The following CREB5 variants were observed in gnomAD, a reference collection of about 807,000 sequenced individuals.
The protein encoded by CREB5 is cyclic AMP-responsive element-binding protein 5.
Under a neutral mutation model 57.1 loss-of-function variants are expected in CREB5, and 19 were observed. The observed-to-expected ratio is 0.33, with a 90% CI of 0.23 to 0.49. The LOEUF is 0.49. Among genes scored for constraint, CREB5 ranks in the 20% least tolerant of loss-of-function variants. The pLI, the probability that CREB5 is intolerant of heterozygous loss-of-function variation, is 0.99. For missense variants in CREB5, 579 were observed against 671.6 expected, an observed-to-expected ratio of 0.86 and a Z score of 1.52; for synonymous variants, 238 against 238.3, an observed-to-expected ratio of 1.00 and a Z score of 0.01.
chr7:28,406,634 G>A (rs1354512440), intron 1 of CREB5, among the ~76,000 whole-genome samples: 2 of 152,210 alleles, frequency 1.3e-5, no homozygotes, highest in Non-Finnish European at 2.9e-5. Context: ...TGGCACCCCA[G>A]GGGGCAAATG....
At chr7:28,421,609 A>C (rs1788248114) in intron 1 of CREB5, among the ~76,000 whole-genome samples, 1 of 152,052 alleles carries the variant, frequency 6.6e-6, no homozygotes, top group Non-Finnish European at 1.5e-5. Flanking sequence ...AAAGCTAGGC[A>C]CGTAACACTG....
chr7:28,505,944 C>A (rs1792462647), intron 3 of CREB5, among the ~76,000 whole-genome samples: 1 of 152,124 alleles, frequency 6.6e-6, no homozygotes, highest in Non-Finnish European at 1.5e-5. Flanking sequence ...AAACAATATT[C>A]AACAAAACCC....
chr7:28,304,925 C>A (rs963774632), intron 1 of CREB5, among the ~76,000 whole-genome samples: 1 of 152,092 alleles, frequency 6.6e-6, no homozygotes, highest in African/African-American at 2.4e-5. Context: ...TAATTATCTC[C>A]GGGCAGGATA....
rs940669358 is a variant in CREB5 at position 28,468,676 on chromosome 7, C to T, written c.4-19499C>T. ...CCCTTGAGACTGGATCTCACTTTCA[C>T]GGAGATGTGTAGTTATCAGCTTGTG... On this transcript the variant is annotated intron_variant, in intron 1 of 10. Transcript: ENST00000357727. 6.6e-5 allele frequency among the ~76,000 whole-genome samples: 10 copies of T among 152,216 alleles called. No individual in the cohort carries two copies. In the South Asian group the frequency reaches 1.4e-3, roughly 22 times the overall value.
In CREB5 at chr7:28,646,035, G is replaced by C. The variant is rs75414962; in HGVS notation, c.465-72718G>C. On this transcript the variant is annotated intron_variant, in intron 5 of 10. Transcript: ENST00000357727. Reference sequence around the variant, plus strand: ...ACTTGGGCTGGAACTTACACCACTGGCTCTGCTTCAGGGTTGAACTAGAAC... The same window carrying C: ...ACTTGGGCTGGAACTTACACCACTGCCTCTGCTTCAGGGTTGAACTAGAAC... Among the ~76,000 whole-genome samples the C allele has an allele frequency of 7.1e-3, 1,075 of 152,220 alleles. 15 individuals are homozygous for C. Among genetic ancestry groups the C allele is most frequent in the African/African-American group, 0.024 (990 of 41,536 alleles).
At chr7:28,570,241 C>T in intron 4 of CREB5, 124 bp from the exon 5 acceptor site, 3 of 1,006,544 alleles carry the variant, frequency 3.0e-6, no homozygotes, top group South Asian at 3.4e-5. Flanking sequence ...CTATGGCTTG[C>T]CGGAAGCCAT....
At chr7:28,808,924 G>A (rs1478541136) in intron 8 of CREB5, among the ~76,000 whole-genome samples, 3 of 151,934 alleles carry the variant, frequency 2.0e-5, no homozygotes, top group East Asian at 3.9e-4. Flanking sequence ...TGCCTGTCAG[G>A]GAAAAATCCA....
chr7:28,521,383 T>C (rs1005650002), intron 4 of CREB5, among the ~76,000 whole-genome samples: 12 of 152,094 alleles, frequency 7.9e-5, no homozygotes, highest in Non-Finnish European at 1.5e-4. Context: ...ACCTCACTTC[T>C]CCCCAGGCTC....
intron 1 of CREB5, among the ~76,000 whole-genome samples, chr7:28,477,767 G>C (rs1230955072): frequency 1.3e-5 from 2 of 152,140 alleles, no homozygotes; most frequent in Non-Finnish European, 2.9e-5. Flanking sequence ...AGGAAGTTGA[G>C]AAAGATATGA....
At chr7:28,428,270 T>A (rs1189547140) in intron 1 of CREB5, among the ~76,000 whole-genome samples, 2 of 152,192 alleles carry the variant, frequency 1.3e-5, no homozygotes, top group African/African-American at 4.8e-5. Context: ...ATCCAGGGGC[T>A]TTAAACCATG....
At chr7:28,791,905 A>C (rs1044304838) in intron 7 of CREB5, among the ~76,000 whole-genome samples, 4 of 152,204 alleles carry the variant, frequency 2.6e-5, no homozygotes, top group Non-Finnish European at 5.9e-5. Context: ...AGGCAGTAAA[A>C]AAGTAGATTT....
intron 4 of CREB5, among the ~76,000 whole-genome samples, chr7:28,556,473 A>G (rs547736442): frequency 2.2e-4 from 33 of 151,892 alleles, no homozygotes; most frequent in Non-Finnish European, 3.7e-4. Context: ...TTTCAGCCCA[A>G]TCATGATTTT....
At chr7:28,624,925 G>C (rs1797944673) in intron 5 of CREB5, among the ~76,000 whole-genome samples, 1 of 151,858 alleles carries the variant, frequency 6.6e-6, no homozygotes, top group Non-Finnish European at 1.5e-5. Flanking sequence ...GATGACTCTG[G>C]GCCAGTTATA....
chr7:28,564,220 G>A (rs1019054027), intron 4 of CREB5, among the ~76,000 whole-genome samples: 26 of 152,284 alleles, frequency 1.7e-4, no homozygotes, highest in African/African-American at 5.5e-4. Context: ...TCGTAAATGC[G>A]AGTTAAGATG....
rs768982849 is a variant in CREB5, at chr7:28,629,583, G to A, written c.464+59046G>A. On this transcript the variant is annotated intron_variant, in intron 5 of 10. Transcript: ENST00000357727. ...CAGTTGTGTTGCTTTCAGGAAACACGTTGGCCTTCTAGGGTTAGGAAGGGC... is the reference window on the plus strand; with the variant it reads ...CAGTTGTGTTGCTTTCAGGAAACACATTGGCCTTCTAGGGTTAGGAAGGGC... 5.3e-5 allele frequency among the ~76,000 whole-genome samples: 8 copies of A among 152,174 alleles called. No individual in the cohort carries two copies. In the East Asian group the frequency reaches 7.7e-4, roughly 15 times the overall value.
At chr7:28,605,790 G>A (rs1286775021) in intron 5 of CREB5, among the ~76,000 whole-genome samples, 5 of 151,956 alleles carry the variant, frequency 3.3e-5, no homozygotes, top group African/African-American at 9.7e-5. Flanking sequence ...AGAGTGCTTC[G>A]GTCCTTGATT....
intron 5 of CREB5, among the ~76,000 whole-genome samples, chr7:28,624,714 C>A (rs979222709): frequency 6.8e-6 from 1 of 146,408 alleles, no homozygotes; most frequent in Non-Finnish European, 1.5e-5. Context: ...GAACTGATTT[C>A]TTATGCCTGC....
chr7:28,742,288 C>T lies in CREB5; in HGVS notation c.702+17956C>T, dbSNP rs918330046. Among the ~76,000 whole-genome samples the T allele has an allele frequency of 9.2e-5, 14 of 151,646 alleles. No individual in the cohort carries two copies. In the East Asian group the frequency reaches 2.0e-3, roughly 21 times the overall value. Reference sequence around the variant, plus strand: ...ATATTAGAAAATGAGCAAACCCGGCCGGGCGCGGTGGCTCACGCCTGTAAT... The same window carrying T: ...ATATTAGAAAATGAGCAAACCCGGCTGGGCGCGGTGGCTCACGCCTGTAAT... On this transcript the variant is annotated intron_variant, in intron 7 of 10. Transcript: ENST00000357727.
chr7:28,765,302 G>C (rs1326949847), intron 7 of CREB5, among the ~76,000 whole-genome samples: 1 of 152,234 alleles, frequency 6.6e-6, no homozygotes, highest in African/African-American at 2.4e-5. Flanking sequence ...TGCAAGGTCA[G>C]AAACATAAGA....
Sources: allele counts gnomAD v4.1 joint callset (sites outside exome capture counted in the v4.1 genomes callset), GRCh38; gene constraint gnomAD v4.1.1; transcripts MANE v1.5; gene names NCBI Gene and HGNC (gene_info 2026-07-23, HGNC 2026-07-21).